The following ST7 variants were observed in gnomAD, a reference collection of about 807,000 sequenced individuals.
The protein encoded by ST7 is suppressor of tumorigenicity 7 protein.
ST7 carries 28 observed loss-of-function variants against 78.7 expected under a neutral mutation model. That is an observed-to-expected ratio of 0.36 (90% CI 0.26 to 0.49). The LOEUF (loss-of-function observed/expected upper bound fraction) is 0.49. Ranked by LOEUF, ST7 falls within the 20% of genes least tolerant of loss-of-function variation. The pLI is 0.99. For synonymous variants in ST7, 247 were observed against 249.6 expected (o/e 0.99, Z 0.10); for missense variants, 418 against 696.0 (o/e 0.60, Z 4.49).
At chr7:117,040,930 CTTA>C (rs754145860) in intron 1 of ST7, among the ~76,000 whole-genome samples, 2 of 152,110 alleles carry the variant, frequency 1.3e-5, no homozygotes, top group Non-Finnish European at 2.9e-5. Flanking sequence ...CCCATCAAAC[CTTA>C]TTATTCACCT....
chr7:117,138,069 A>G (rs561461783), intron 8 of ST7, among the ~76,000 whole-genome samples: 1 of 152,302 alleles, frequency 6.6e-6, no homozygotes, highest in African/African-American at 2.4e-5. Flanking sequence ...AATGAAAAAA[A>G]AATAGTTCAT....
At chr7:116,956,621 C>T (rs1279627457) in intron 1 of ST7, 1 of 471,210 alleles carries the variant, frequency 2.1e-6, no homozygotes, top group Admixed American at 2.3e-5. Context: ...GGGATGGAAT[C>T]TGCTAAAAGT....
intron 1 of ST7, among the ~76,000 whole-genome samples, chr7:116,964,154 G>T (rs1792982239): frequency 6.6e-6 from 1 of 152,204 alleles, no homozygotes; most frequent in South Asian, 2.1e-4. Context: ...CATATCTGGA[G>T]TTATTGTGTG....
At chr7:117,174,321 C>T (rs1463356632) in intron 10 of ST7, among the ~76,000 whole-genome samples, 2 of 152,146 alleles carry the variant, frequency 1.3e-5, no homozygotes, top group African/African-American at 4.8e-5. Flanking sequence ...CAACAGCTAG[C>T]ATTTATTGAG....
intron 1 of ST7, among the ~76,000 whole-genome samples, chr7:117,033,268 C>T (rs1796696775): frequency 6.6e-6 from 1 of 151,924 alleles, no homozygotes; most frequent in Admixed American, 6.6e-5. Flanking sequence ...GTACAAATGG[C>T]AAATAATGAG....
At chr7:117,141,973 C>G (rs530811408) in intron 9 of ST7, among the ~76,000 whole-genome samples, 1 of 152,106 alleles carries the variant, frequency 6.6e-6, no homozygotes, top group Non-Finnish European at 1.5e-5. Flanking sequence ...TTTTGAACAT[C>G]ACTGTAATGT....
At chr7:117,130,412 A>G in intron 4 of ST7, 79 bp from the exon 5 acceptor site, 1 of 1,008,736 alleles carries the variant, frequency 9.9e-7, no homozygotes, top group Non-Finnish European at 1.5e-6. Context: ...CTATATTTCA[A>G]CGCCTCTGCA....
intron 1 of ST7, among the ~76,000 whole-genome samples, chr7:117,097,892 A>ATT (rs1563078748): frequency 4.8e-5 from 1 of 20,698 alleles, no homozygotes; most frequent in South Asian, 1.6e-3. Context: ...ATATATATAT[A>ATT]TATATATATA....
chr7:116,956,298 G>A (rs2116110403), intron 1 of ST7: 2 of 344,910 alleles, frequency 5.8e-6, no homozygotes, highest in Middle Eastern at 5.0e-4. Context: ...GGCAAGGAAG[G>A]CCCAGGGAGA....
At chr7:117,019,844 G>A (rs1349773231) in intron 1 of ST7, among the ~76,000 whole-genome samples, 1 of 152,176 alleles carries the variant, frequency 6.6e-6, no homozygotes, top group Non-Finnish European at 1.5e-5. Context: ...AGATAACAAT[G>A]AACTCTTCTG....
chr7:117,215,999 G>A (rs1373596871), intron 13 of ST7, among the ~76,000 whole-genome samples: 2 of 151,936 alleles, frequency 1.3e-5, no homozygotes, highest in East Asian at 1.9e-4. Context: ...GTAAGAAGAG[G>A]TCATTAGAAG....
intron 1 of ST7, among the ~76,000 whole-genome samples, chr7:116,999,734 C>T (rs1390093775): frequency 2.6e-5 from 4 of 151,434 alleles, no homozygotes; most frequent in African/African-American, 4.9e-5. Flanking sequence ...CTGATCCATT[C>T]TGTAGATACT....
intron 9 of ST7, among the ~76,000 whole-genome samples, chr7:117,164,153 C>T (rs1436380342): frequency 6.6e-6 from 1 of 152,118 alleles, no homozygotes; most frequent in African/African-American, 2.4e-5. Flanking sequence ...GACACACAAA[C>T]CGATGGAACA....
chr7:117,110,859 C>T (rs1802373928), intron 2 of ST7, among the ~76,000 whole-genome samples: 1 of 152,212 alleles, frequency 6.6e-6, no homozygotes, highest in Non-Finnish European at 1.5e-5. Flanking sequence ...GTTTTCTGTG[C>T]CCCTGCTGAA....
intron 13 of ST7, among the ~76,000 whole-genome samples, chr7:117,213,463 A>G (rs1792450060): frequency 6.6e-6 from 1 of 152,064 alleles, no homozygotes; most frequent in Admixed American, 6.5e-5. Context: ...GTGGAGGTGT[A>G]TTTTGTTTTG....
intron 1 of ST7, among the ~76,000 whole-genome samples, chr7:116,995,036 G>T (rs971501456): frequency 6.6e-6 from 1 of 152,054 alleles, no homozygotes; most frequent in Non-Finnish European, 1.5e-5. Context: ...GAGATTGGGG[G>T]ACTTAAGGAG....
chr7:117,032,630 G>T (rs1204193494), intron 1 of ST7, among the ~76,000 whole-genome samples: 2 of 152,140 alleles, frequency 1.3e-5, no homozygotes, highest in East Asian at 1.9e-4. Flanking sequence ...GGCATTACTT[G>T]CAGTAATTTT....
chr7:117,196,980 A>G (rs1460443278), intron 12 of ST7, among the ~76,000 whole-genome samples: 1 of 152,064 alleles, frequency 6.6e-6, no homozygotes, highest in Admixed American at 6.5e-5. Context: ...GTAAGATAAG[A>G]GTTCAATTTC....
chr7:116,973,584 T>C (rs1450641923), intron 1 of ST7, among the ~76,000 whole-genome samples: 1 of 152,198 alleles, frequency 6.6e-6, no homozygotes, highest in Non-Finnish European at 1.5e-5. Flanking sequence ...AACTGTTACC[T>C]AGACAGGTAA....
Sources: allele counts gnomAD v4.1 joint callset (sites outside exome capture counted in the v4.1 genomes callset), GRCh38; gene constraint gnomAD v4.1.1; transcripts MANE v1.5; gene names NCBI Gene and HGNC (gene_info 2026-07-23, HGNC 2026-07-21).